The following CCBE1 variants were observed in gnomAD, a reference collection of about 807,000 sequenced individuals.
CCBE1 encodes collagen and calcium binding EGF domains 1, also known as collagen and calcium-binding EGF domain-containing protein 1.
CCBE1 carries 37 observed loss-of-function variants against 50.0 expected under a neutral mutation model. The ratio of observed to expected loss-of-function variants is 0.74; its 90% CI spans 0.57 to 0.97. The LOEUF is 0.97. Among genes scored for constraint, CCBE1 ranks in the 50% least tolerant of loss-of-function variants. The pLI is 0.00. For missense variants in CCBE1, 538 were observed against 523.8 expected (o/e 1.03, Z -0.26); for synonymous variants, 234 against 203.7 (o/e 1.15, Z -1.27).
chr18:59,457,590 A>T (rs1268765186), intron 5 of CCBE1, among the ~76,000 whole-genome samples: 1 of 152,096 alleles, frequency 6.6e-6, no homozygotes, highest in African/African-American at 2.4e-5. Flanking sequence ...GGCCCACCAA[A>T]CCCCTTAAAT....
At chr18:59,456,334 G>A (rs551285711) in intron 5 of CCBE1, among the ~76,000 whole-genome samples, 422 of 152,266 alleles carry the variant, frequency 2.8e-3, no homozygotes, top group African/African-American at 9.6e-3. Flanking sequence ...GACTTTATTT[G>A]GAAACAGGAT....
At chr18:59,654,516 C>T (rs973974288) in intron 2 of CCBE1, among the ~76,000 whole-genome samples, 3 of 152,092 alleles carry the variant, frequency 2.0e-5, no homozygotes, top group Admixed American at 6.5e-5. Context: ...TCCAGCTACT[C>T]GGGAGACTGA....
At chr18:59,448,217 T>A in intron 6 of CCBE1, 114 bp from the exon 7 acceptor site, 1 of 1,445,612 alleles carries the variant, frequency 6.9e-7, no homozygotes, top group Non-Finnish European at 9.5e-7. Context: ...TATATACTTT[T>A]TACTAGAGCT....
intron 2 of CCBE1, among the ~76,000 whole-genome samples, chr18:59,606,007 C>A (rs921607384): frequency 2.6e-5 from 4 of 152,184 alleles, no homozygotes; most frequent in Non-Finnish European, 5.9e-5. Flanking sequence ...TGAAGCACGT[C>A]ACTGCTCTCA....
intron 2 of CCBE1, among the ~76,000 whole-genome samples, chr18:59,570,698 C>T (rs1201750330): frequency 6.6e-6 from 1 of 152,120 alleles, no homozygotes; most frequent in Non-Finnish European, 1.5e-5. Context: ...GGCAGGACCT[C>T]CCAAGGGCCT....
rs187689369 is a variant in CCBE1, at chr18:59,447,835, T to C, written c.775+148A>G. On this transcript the variant is annotated intron_variant, in intron 7 of 10. Transcript: ENST00000439986. ...AGGGCCTATTTCCCAGGCTCTCTCA[T>C]TGCATGGGTGTGTGGCAGTCCCATG... 5.0e-4 allele frequency: 589 copies of C among 1,186,722 alleles called. No individual in the cohort carries two copies. In the African/African-American group the frequency reaches 7.5e-3, roughly 15 times the overall value. The allele number at this position is 1,186,722 out of a possible 1,614,324, so 73.5% of individuals were successfully genotyped here.
At chr18:59,583,184 G>C (rs1433101370) in intron 2 of CCBE1, among the ~76,000 whole-genome samples, 1 of 152,128 alleles carries the variant, frequency 6.6e-6, no homozygotes, top group Non-Finnish European at 1.5e-5. Context: ...TCAGCACAGG[G>C]ATGGGTTCTC....
In CCBE1 at chr18:59,434,561, G is replaced by T. The variant is rs182559343; in HGVS notation, c.*1347C>A. The T allele has an allele frequency of 2.6e-5, 4 of 152,166 alleles. No homozygotes were observed. Among genetic ancestry groups the T allele is most frequent in the African/African-American group, 9.7e-5 (4 of 41,438 alleles). The allele number at this position is 152,166 out of a possible 1,614,324, so 9.4% of individuals were successfully genotyped here. A position where few individuals can be genotyped will look rare whatever the true frequency, so the allele number is the denominator to read the frequency against. ...ATGCTTCCCTTTGCCACCCAGAGGTGCTCTGAGAAAACACTCTAACTCACT... is the reference window on the plus strand; with the variant it reads ...ATGCTTCCCTTTGCCACCCAGAGGTTCTCTGAGAAAACACTCTAACTCACT... On this transcript the variant is annotated 3_prime_UTR_variant, in exon 11 of 11. Transcript: ENST00000439986.
chr18:59,526,814 T>G (rs563636237), intron 2 of CCBE1, among the ~76,000 whole-genome samples: 1 of 152,326 alleles, frequency 6.6e-6, no homozygotes, highest in South Asian at 2.1e-4. Flanking sequence ...CTTAGTTTTG[T>G]GGTTTTGAGT....
intron 2 of CCBE1, among the ~76,000 whole-genome samples, chr18:59,499,177 G>A (rs1913495533): frequency 6.6e-6 from 1 of 152,178 alleles, no homozygotes; most frequent in Admixed American, 6.5e-5. Flanking sequence ...ACCATAAGAA[G>A]ATACCATTAT....
chr18:59,569,572 T>G (rs570264356), intron 2 of CCBE1, among the ~76,000 whole-genome samples: 1 of 152,082 alleles, frequency 6.6e-6, no homozygotes, highest in East Asian at 1.9e-4. Context: ...AAAGCCCAAA[T>G]TCTTTTTTAC....
At chr18:59,530,655 C>T (rs1303720706) in intron 2 of CCBE1, among the ~76,000 whole-genome samples, 2 of 152,172 alleles carry the variant, frequency 1.3e-5, no homozygotes, top group Non-Finnish European at 2.9e-5. Context: ...TCACATGTGA[C>T]TATGTAAAGA....
chr18:59,672,643 C>G (rs757008585), intron 2 of CCBE1, among the ~76,000 whole-genome samples: 1 of 152,230 alleles, frequency 6.6e-6, no homozygotes, highest in Admixed American at 6.5e-5. Context: ...CCTGCATCAT[C>G]TGGAACCAAG....
rs1354998113 is a variant in CCBE1, at chr18:59,443,864, CAG to C, written c.776-4050_776-4049del. Among the ~76,000 whole-genome samples, 3 of 152,234 alleles carry C rather than the reference CAG, an allele frequency of 2.0e-5. No individual in the cohort carries two copies. In the East Asian group the frequency reaches 5.8e-4, roughly 29 times the overall value. ...TCTATAACTTTCTCATCCTGTAAAACAGAAACTCTAGACCACCGAATAACTCC... is the reference window on the plus strand; with the variant it reads ...TCTATAACTTTCTCATCCTGTAAAACAAACTCTAGACCACCGAATAACTCC... On this transcript the variant is annotated intron_variant, in intron 7 of 10. Coordinates refer to ENST00000439986, the MANE Select transcript of CCBE1 (RefSeq NM_133459.4).
At chr18:59,690,648 C>T (rs961441504) in intron 2 of CCBE1, among the ~76,000 whole-genome samples, 1 of 152,222 alleles carries the variant, frequency 6.6e-6, no homozygotes, top group Non-Finnish European at 1.5e-5. Flanking sequence ...AGAGTAGCAA[C>T]TGGATCTGAT....
chr18:59,535,749 A>T (rs1915222711), intron 2 of CCBE1, among the ~76,000 whole-genome samples: 1 of 152,262 alleles, frequency 6.6e-6, no homozygotes, highest in Admixed American at 6.5e-5. Context: ...CAGTCATGAT[A>T]CCATTTATGT....
chr18:59,686,975 A>T (rs2054662876), intron 2 of CCBE1, among the ~76,000 whole-genome samples: 1 of 131,776 alleles, frequency 7.6e-6, no homozygotes, highest in South Asian at 2.5e-4. Flanking sequence ...TCTAAAGGGC[A>T]TTATCGTCTG....
At chr18:59,691,257 T>C (rs890915834) in intron 2 of CCBE1, among the ~76,000 whole-genome samples, 2 of 152,262 alleles carry the variant, frequency 1.3e-5, no homozygotes, top group Non-Finnish European at 2.9e-5. Context: ...AGATGGCTCA[T>C]GCTCTCAGAG....
At position 59,613,924 on chromosome 18, in the gene CCBE1, G is replaced by A. The variant is rs147290532; in HGVS notation, c.212+82705C>T. Among the ~76,000 whole-genome samples, 751 of 135,730 alleles carry A rather than the reference G, an allele frequency of 5.5e-3. 5 individuals carry two copies. Among genetic ancestry groups the A allele is most frequent in the Middle Eastern group, 0.019 (4 of 214 alleles). The allele number at this position is 135,730 out of a possible 152,430, so 89.0% of individuals were successfully genotyped here. On this transcript the variant is annotated intron_variant, in intron 2 of 10. Coordinates refer to ENST00000439986, the MANE Select transcript of CCBE1 (RefSeq NM_133459.4). The stretch of plus-strand genomic sequence containing the variant: ...CAGTCTTGCTCTGTCACCCAGGCTG[G>A]AGTGCAATGGCAGAATCTCAGCTCA...
Sources: allele counts gnomAD v4.1 joint callset (sites outside exome capture counted in the v4.1 genomes callset), GRCh38; gene constraint gnomAD v4.1.1; transcripts MANE v1.5; gene names NCBI Gene and HGNC (gene_info 2026-07-23, HGNC 2026-07-21).